The following DGKB variants were observed in gnomAD, a reference collection of about 807,000 sequenced individuals.
DGKB encodes diacylglycerol kinase beta, also known as 90 kDa diacylglycerol kinase.
DGKB carries 67 observed loss-of-function variants against 114.3 expected under a neutral mutation model. That is an observed-to-expected ratio of 0.59 (90% CI 0.48 to 0.72). The LOEUF (loss-of-function observed/expected upper bound fraction) is 0.72. DGKB is among the 30% of genes least tolerant of loss of function. The pLI is 0.00. For synonymous variants in DGKB, 398 were observed against 323.1 expected (o/e 1.23, Z -2.49); for missense variants, 907 against 975.2 (o/e 0.93, Z 0.93).
At chr7:14,699,706 A>G (rs1484901766) in intron 7 of DGKB, among the ~76,000 whole-genome samples, 1 of 152,216 alleles carries the variant, frequency 6.6e-6, no homozygotes, top group Non-Finnish European at 1.5e-5. Context: ...CCTGACAGCG[A>G]AGGAAAAATA....
chr7:14,718,403 G>A lies in DGKB; in HGVS notation c.466+139C>T, dbSNP rs1828565842. On this transcript the variant is annotated intron_variant, in intron 6 of 25. Coordinates refer to ENST00000402815, the MANE Select transcript of DGKB (RefSeq NM_001350709.2). ...TCTTTTGTCTGATCCTCAGCAGGAGGAAATTTTTACTATTAAGCAGGATCA... is the reference window on the plus strand; with the variant it reads ...TCTTTTGTCTGATCCTCAGCAGGAGAAAATTTTTACTATTAAGCAGGATCA... The A allele has an allele frequency of 2.1e-5, 13 of 629,178 alleles. No individual in the cohort carries two copies. In the South Asian group the frequency reaches 5.3e-4, roughly 26 times the overall value. 39.0% of individuals were successfully genotyped at this position (629,178 alleles called of 1,614,324 possible). A position where few individuals can be genotyped will look rare whatever the true frequency, so the allele number is the denominator to read the frequency against.
chr7:14,731,210 C>T (rs1327511546), intron 5 of DGKB, among the ~76,000 whole-genome samples: 1 of 152,118 alleles, frequency 6.6e-6, no homozygotes, highest in Admixed American at 6.6e-5. Flanking sequence ...CAGGTTTGTG[C>T]AGAATCTAAT....
intron 1 of DGKB, among the ~76,000 whole-genome samples, chr7:14,926,592 T>A (rs1439314298): frequency 6.6e-6 from 1 of 151,682 alleles, no homozygotes; most frequent in Non-Finnish European, 1.5e-5. Flanking sequence ...AGATTTTTTT[T>A]ATGTTTTTGG....
At chr7:14,265,602 G>C (rs112140212) in intron 23 of DGKB, among the ~76,000 whole-genome samples, 4,170 of 151,942 alleles carry the variant, frequency 0.027, 81 homozygotes, top group Non-Finnish European at 0.046. Flanking sequence ...ATATTCCATA[G>C]TATCTCATCC....
chr7:14,689,257 G>A (rs1377527110), intron 9 of DGKB, among the ~76,000 whole-genome samples: 1 of 131,238 alleles, frequency 7.6e-6, no homozygotes, highest in African/African-American at 2.8e-5. Context: ...CCAGGCTGGA[G>A]GGCAGTGGCG....
intron 23 of DGKB, among the ~76,000 whole-genome samples, chr7:14,273,276 G>A (rs1227094396): frequency 6.6e-6 from 1 of 152,170 alleles, no homozygotes; most frequent in Non-Finnish European, 1.5e-5. Context: ...AGCCCAGGAG[G>A]TGGAGGTTGT....
intron 21 of DGKB, among the ~76,000 whole-genome samples, chr7:14,419,216 T>C (rs1826283635): frequency 6.6e-6 from 1 of 151,930 alleles, no homozygotes. Flanking sequence ...ATCTATACTA[T>C]GGGAAAAAGA....
intron 21 of DGKB, among the ~76,000 whole-genome samples, chr7:14,414,554 T>C (rs1825408040): frequency 6.6e-6 from 1 of 152,084 alleles, no homozygotes; most frequent in Non-Finnish European, 1.5e-5. Context: ...TCTTAACCTG[T>C]GTATTTAAAG....
At chr7:14,656,751 T>TACACACACACACACACACACACAC (rs10623353) in intron 13 of DGKB, among the ~76,000 whole-genome samples, 26 of 127,642 alleles carry the variant, frequency 2.0e-4, no homozygotes, top group South Asian at 4.6e-4. Context: ...ATATAGGATA[T>TACACACACACACACACACACACAC]ATACACACAC....
chr7:14,606,132 G>T (rs1322866161), intron 17 of DGKB, among the ~76,000 whole-genome samples: 1 of 152,100 alleles, frequency 6.6e-6, no homozygotes, highest in Non-Finnish European at 1.5e-5. Context: ...GAAGTCCAGA[G>T]AATATTAAAG....
rs187401301 is a variant in DGKB at position 14,516,423 on chromosome 7, A to G, written c.1771-38198T>C. On this transcript the variant is annotated intron_variant, in intron 20 of 25. Transcript: ENST00000402815. ...GTACTTTCCAAAATCTGTAATTTGC[A>G]TTCATAATTTGGAATTAAGTTGAAG... Among the ~76,000 whole-genome samples, 64 of 152,302 alleles carry G rather than the reference A, an allele frequency of 4.2e-4. 1 individual carries two copies. In the East Asian group the frequency reaches 0.01, roughly 25 times the overall value.
chr7:14,505,729 G>A (rs1786938653), intron 20 of DGKB, among the ~76,000 whole-genome samples: 1 of 152,130 alleles, frequency 6.6e-6, no homozygotes, highest in Non-Finnish European at 1.5e-5. Flanking sequence ...AAGAAGATAT[G>A]GAAGTAGAAA....
chr7:14,328,563 C>T (rs986407610), intron 23 of DGKB, among the ~76,000 whole-genome samples: 2 of 151,972 alleles, frequency 1.3e-5, no homozygotes, highest in African/African-American at 4.8e-5. Context: ...TATAATTATT[C>T]TCTTTTAATG....
At chr7:14,151,496 T>C (rs547511792) in intron 25 of DGKB, among the ~76,000 whole-genome samples, 2 of 152,100 alleles carry the variant, frequency 1.3e-5, no homozygotes, top group South Asian at 4.1e-4. Flanking sequence ...ATTTTATGCC[T>C]TTGAAAAAAT....
chr7:14,146,396 T>G lies in DGKB; in HGVS notation c.*2735A>C, dbSNP rs766620939. Reference sequence around the variant, plus strand: ...GTTAAGTCCAGCATTAATTTACATTTAAGAGTTTCAGCCACTTAAAACTTT... The same window carrying G: ...GTTAAGTCCAGCATTAATTTACATTGAAGAGTTTCAGCCACTTAAAACTTT... On this transcript the variant is annotated 3_prime_UTR_variant, in exon 26 of 26. Coordinates refer to ENST00000402815, the MANE Select transcript of DGKB (RefSeq NM_001350709.2). 6.6e-6 allele frequency: 1 copy of G among 152,204 alleles called. No homozygotes were observed. Among genetic ancestry groups the G allele is most frequent in the African/African-American group, 2.4e-5 (1 of 41,444 alleles). 9.4% of individuals were successfully genotyped at this position (152,204 alleles called of 1,614,324 possible).
At chr7:14,887,845 A>G (rs1780559595) in intron 1 of DGKB, among the ~76,000 whole-genome samples, 1 of 151,782 alleles carries the variant, frequency 6.6e-6, no homozygotes, top group Admixed American at 6.6e-5. Context: ...GATGTCTAGA[A>G]CAGCACCTGG....
chr7:14,439,689 C>A (rs1221094227), intron 21 of DGKB, among the ~76,000 whole-genome samples: 1 of 146,396 alleles, frequency 6.8e-6, no homozygotes, highest in African/African-American at 2.5e-5. Context: ...CATGATGAAA[C>A]CCCATCTCTA....
intron 2 of DGKB, among the ~76,000 whole-genome samples, chr7:14,787,016 C>A (rs1398667900): frequency 2.0e-5 from 3 of 152,192 alleles, no homozygotes; most frequent in Admixed American, 6.5e-5. Flanking sequence ...CTCTTCTTAG[C>A]TGAGAGTTGA....
chr7:14,168,057 T>C (rs1784862459), intron 25 of DGKB, among the ~76,000 whole-genome samples: 1 of 152,058 alleles, frequency 6.6e-6, no homozygotes, highest in South Asian at 2.1e-4. Context: ...TAAGAAGTAA[T>C]GGCAGATACT....
Sources: allele counts gnomAD v4.1 joint callset (sites outside exome capture counted in the v4.1 genomes callset), GRCh38; gene constraint gnomAD v4.1.1; transcripts MANE v1.5; gene names NCBI Gene and HGNC (gene_info 2026-07-23, HGNC 2026-07-21).